The following EYS variants were observed in gnomAD, a reference collection of about 807,000 sequenced individuals.
The protein encoded by EYS is EGF-like photoreceptor maintenance factor.
Under a neutral mutation model 282.1 loss-of-function variants are expected in EYS, and 250 were observed. That is an observed-to-expected ratio of 0.89 (90% CI 0.80 to 0.98). The LOEUF (loss-of-function observed/expected upper bound fraction) is 0.98. EYS is among the 50% of genes least tolerant of loss of function. EYS has a pLI of 0.00. For missense variants in EYS, 4,016 were observed against 3,709.0 expected (o/e 1.08, Z -2.15); for synonymous variants, 1,355 against 1,282.9 (o/e 1.06, Z -1.20).
At chr6:64,475,550 CA>C (rs56710433) in intron 26 of EYS, among the ~76,000 whole-genome samples, 520 of 43,900 alleles carry the variant, frequency 0.012, 26 homozygotes, top group Admixed American at 0.1. Context: ...GACTCCGTCT[CA>C]AAAAAAAAAA....
At chr6:64,117,780 C>A (rs1200455227) in intron 31 of EYS, among the ~76,000 whole-genome samples, 1 of 151,962 alleles carries the variant, frequency 6.6e-6, no homozygotes, top group South Asian at 2.1e-4. Flanking sequence ...TTGCAGATAA[C>A]ATAGTCTTAT....
chr6:64,018,358 G>C (rs1307343651), intron 33 of EYS, among the ~76,000 whole-genome samples: 1 of 151,564 alleles, frequency 6.6e-6, no homozygotes, highest in Non-Finnish European at 1.5e-5. Context: ...ATATATTCAG[G>C]GGTTTTTTGT....
chr6:65,137,015 A>G (rs1776040522), intron 12 of EYS, among the ~76,000 whole-genome samples: 3 of 152,064 alleles, frequency 2.0e-5, no homozygotes, highest in Admixed American at 2.0e-4. Flanking sequence ...AAACTTTTAT[A>G]TTGAGTACTA....
chr6:65,465,994 C>CT (rs2150412952), intron 5 of EYS, among the ~76,000 whole-genome samples: 1 of 151,620 alleles, frequency 6.6e-6, no homozygotes, highest in African/African-American at 2.4e-5. Flanking sequence ...ATCAATCAAT[C>CT]AATCAATAAT....
intron 31 of EYS, among the ~76,000 whole-genome samples, chr6:64,106,306 C>G (rs979734458): frequency 4.6e-5 from 7 of 152,060 alleles, no homozygotes; most frequent in African/African-American, 1.7e-4. Context: ...TCAAAGTACT[C>G]CCTGGCAACC....
intron 22 of EYS, among the ~76,000 whole-genome samples, chr6:64,744,650 A>G (rs913552921): frequency 5.3e-5 from 8 of 152,212 alleles, no homozygotes; most frequent in Non-Finnish European, 1.2e-4. Flanking sequence ...ACCAAAATGC[A>G]TGCACATTAT....
intron 2 of EYS, among the ~76,000 whole-genome samples, chr6:65,498,997 T>G (rs1265004170): frequency 6.6e-6 from 1 of 151,950 alleles, no homozygotes; most frequent in Non-Finnish European, 1.5e-5. Flanking sequence ...AACCCAGAAC[T>G]ACGATGGAGC....
At chr6:65,542,636 A>G (rs1231641136) in intron 2 of EYS, among the ~76,000 whole-genome samples, 2 of 152,108 alleles carry the variant, frequency 1.3e-5, no homozygotes, top group Non-Finnish European at 2.9e-5. Context: ...ATTATGCTTG[A>G]AGATTAAAAG....
At chr6:63,790,183 T>C (rs1391877709) in intron 37 of EYS, among the ~76,000 whole-genome samples, 3 of 152,142 alleles carry the variant, frequency 2.0e-5, no homozygotes, top group African/African-American at 7.2e-5. Context: ...TAGAAAAAAT[T>C]TATTATGAGT....
intron 13 of EYS, among the ~76,000 whole-genome samples, chr6:65,043,320 G>T (rs1215794268): frequency 2.6e-5 from 4 of 151,404 alleles, no homozygotes; most frequent in Non-Finnish European, 5.9e-5. Flanking sequence ...ATAACTAAGT[G>T]TAATAAATAT....
In EYS at chr6:64,541,681, G is replaced by A. The variant is rs115886662; in HGVS notation, c.5644+48542C>T. Among the ~76,000 whole-genome samples the A allele has an allele frequency of 2.6e-4, 40 of 152,104 alleles. 1 individual carries two copies. The highest frequency in any genetic ancestry group is 9.2e-4 in the African/African-American group (38 of 41,496). Reference sequence around the variant, plus strand: ...ACCTTCCTAATCCACTGATATTTCAGGAAAGGTTCTTTTTCCATTTCTGCT... The same window carrying A: ...ACCTTCCTAATCCACTGATATTTCAAGAAAGGTTCTTTTTCCATTTCTGCT... On this transcript the variant is annotated intron_variant, in intron 26 of 42. Transcript: ENST00000503581.
chr6:65,182,757 A>T (rs1051604326), intron 12 of EYS, among the ~76,000 whole-genome samples: 1 of 151,812 alleles, frequency 6.6e-6, no homozygotes, highest in Non-Finnish European at 1.5e-5. Flanking sequence ...ATAAGTCTCA[A>T]ACAAGACAGT....
chr6:65,093,084 A>C (rs902590443), intron 12 of EYS, among the ~76,000 whole-genome samples: 1 of 152,058 alleles, frequency 6.6e-6, no homozygotes, highest in African/African-American at 2.4e-5. Flanking sequence ...ACCCTCATAA[A>C]ACTATCAGTT....
chr6:64,406,358 C>T (rs563991296), intron 28 of EYS, among the ~76,000 whole-genome samples: 15 of 151,972 alleles, frequency 9.9e-5, no homozygotes, highest in Non-Finnish European at 1.8e-4. Flanking sequence ...CTATAAAAAC[C>T]CTAGAGGAAA....
chr6:64,315,029 C>G lies in EYS; in HGVS notation c.6079-7947G>C, dbSNP rs143894985. On this transcript the variant is annotated intron_variant, in intron 29 of 42. Transcript: ENST00000503581. ...TCAACAAACTAGATACACCACCAGCCAGACTGATAAAGAAGAAAAGAGAGA... is the reference window on the plus strand; with the variant it reads ...TCAACAAACTAGATACACCACCAGCGAGACTGATAAAGAAGAAAAGAGAGA... Among the ~76,000 whole-genome samples the G allele has an allele frequency of 5.2e-3, 794 of 151,826 alleles. 6 individuals are homozygous for G. The highest frequency in any genetic ancestry group is 0.018 in the African/African-American group (759 of 41,408).
chr6:64,959,160 T>C (rs1034543215), intron 14 of EYS, among the ~76,000 whole-genome samples: 1 of 152,246 alleles, frequency 6.6e-6, no homozygotes, highest in East Asian at 1.9e-4. Context: ...AATGTAAGAA[T>C]ACTTAGAAAA....
intron 2 of EYS, among the ~76,000 whole-genome samples, chr6:65,573,337 T>A (rs1764546566): frequency 6.6e-6 from 1 of 152,116 alleles, no homozygotes; most frequent in African/African-American, 2.4e-5. Flanking sequence ...AAGCTACTGG[T>A]ATCAGCTACA....
intron 35 of EYS, among the ~76,000 whole-genome samples, chr6:63,951,513 T>C (rs1022752730): frequency 1.1e-4 from 17 of 152,064 alleles, no homozygotes; most frequent in Non-Finnish European, 4.4e-5. Flanking sequence ...GTCTTTTCAA[T>C]CTTCCTTTTC....
chr6:63,825,803 A>G (rs1216568965), intron 36 of EYS, among the ~76,000 whole-genome samples: 1 of 152,202 alleles, frequency 6.6e-6, no homozygotes, highest in Non-Finnish European at 1.5e-5. Flanking sequence ...AGGAACCAGA[A>G]AACCAACCCT....
Sources: allele counts gnomAD v4.1 joint callset (sites outside exome capture counted in the v4.1 genomes callset), GRCh38; gene constraint gnomAD v4.1.1; transcripts MANE v1.5; gene names NCBI Gene and HGNC (gene_info 2026-07-23, HGNC 2026-07-21).